GRIN3A: variants seen among roughly 807,000 people sequenced by gnomAD.
GRIN3A encodes glutamate ionotropic receptor NMDA type subunit 3A.
GRIN3A carries 47 observed loss-of-function variants against 92.4 expected under a neutral mutation model. The ratio of observed to expected loss-of-function variants is 0.51; its 90% CI spans 0.40 to 0.65. GRIN3A has a LOEUF of 0.65. Among genes scored for constraint, GRIN3A ranks in the 30% least tolerant of loss-of-function variants. The pLI is 0.00. For synonymous variants in GRIN3A, 527 were observed against 540.6 expected (o/e 0.97, Z 0.35); for missense variants, 1,324 against 1,393.1 (o/e 0.95, Z 0.79).
At chr9:101,637,192 G>A (rs1172693404) in intron 3 of GRIN3A, among the ~76,000 whole-genome samples, 4 of 151,776 alleles carry the variant, frequency 2.6e-5, no homozygotes, top group Admixed American at 6.6e-5. Context: ...TCCTGGGTTC[G>A]CACCATTCTC....
At chr9:101,728,816 T>C (rs1830106633) in intron 1 of GRIN3A, among the ~76,000 whole-genome samples, 1 of 152,206 alleles carries the variant, frequency 6.6e-6, no homozygotes, top group Admixed American at 6.5e-5. Context: ...CATGAAGTTG[T>C]GTGCATCAAT....
chr9:101,575,462 A>G (rs7859863), intron 8 of GRIN3A, among the ~76,000 whole-genome samples: 23,551 of 152,198 alleles, frequency 0.15, 1,896 homozygotes, highest in Admixed American at 0.2. Context: ...AACAGGGGTG[A>G]CATGTATTGA....
At chr9:101,667,863 G>A (rs1406056342) in intron 3 of GRIN3A, among the ~76,000 whole-genome samples, 2 of 151,998 alleles carry the variant, frequency 1.3e-5, no homozygotes, top group African/African-American at 2.4e-5. Context: ...TAAGTAATCT[G>A]GGTGTCTTTT....
intron 3 of GRIN3A, among the ~76,000 whole-genome samples, chr9:101,631,899 T>G (rs1384705015): frequency 6.6e-6 from 1 of 152,194 alleles, no homozygotes; most frequent in East Asian, 1.9e-4. Context: ...TCCTTTCTGA[T>G]CCACTCAGAG....
At chr9:101,634,862 C>CAAAAGACACA (rs1414593300) in intron 3 of GRIN3A, among the ~76,000 whole-genome samples, 1 of 152,138 alleles carries the variant, frequency 6.6e-6, no homozygotes, top group Non-Finnish European at 1.5e-5. Context: ...CACACAAGGA[C>CAAAAGACACA]AAAAGACACA....
chr9:101,736,335 C>CCT (rs1830205405), intron 1 of GRIN3A, among the ~76,000 whole-genome samples: 1 of 152,178 alleles, frequency 6.6e-6, no homozygotes, highest in South Asian at 2.1e-4. Flanking sequence ...ATAAAAGTAA[C>CCT]ATATAAAAGG....
At chr9:101,661,479 G>A (rs935107779) in intron 3 of GRIN3A, among the ~76,000 whole-genome samples, 1 of 151,696 alleles carries the variant, frequency 6.6e-6, no homozygotes, top group African/African-American at 2.4e-5. Flanking sequence ...TGAAAATGTA[G>A]TATGTGGTTT....
intron 6 of GRIN3A, among the ~76,000 whole-genome samples, chr9:101,587,796 T>A (rs1341812597): frequency 6.6e-6 from 1 of 152,190 alleles, no homozygotes; most frequent in Non-Finnish European, 1.5e-5. Flanking sequence ...ATGATTTTAA[T>A]GAGAGGTAAG....
At chr9:101,598,279 C>T (rs1186814226) in intron 6 of GRIN3A, among the ~76,000 whole-genome samples, 1 of 152,172 alleles carries the variant, frequency 6.6e-6, no homozygotes, top group Non-Finnish European at 1.5e-5. Context: ...GAGCTCATAA[C>T]ATTCCCAGTG....
At chr9:101,697,001 A>G (rs1464566541) in intron 1 of GRIN3A, among the ~76,000 whole-genome samples, 1 of 152,172 alleles carries the variant, frequency 6.6e-6, no homozygotes, top group African/African-American at 2.4e-5. Context: ...CCTTTTATAT[A>G]TATTGGTTTA....
chr9:101,573,281 C>G lies in GRIN3A; in HGVS notation c.3241G>C (p.Glu1081Gln). The change falls in exon 9 of 9, where the codon GAG becomes CAG. Residue 1081 changes from glutamate to glutamine, a missense_variant. Coordinates refer to ENST00000361820, the MANE Select transcript of GRIN3A (RefSeq NM_133445.3). ...SRNSVMQELSELEKQIQVIRQ... is the reference protein window; with the variant it reads ...SRNSVMQELSQLEKQIQVIRQ... The stretch of plus-strand genomic sequence containing the variant: ...ATCACCTGAATCTGCTTCTCGAGCT[C>G]TGAGAGTTCCTGCATCACTGAGTTC... 1 of 1,614,032 alleles carries G rather than the reference C, an allele frequency of 6.2e-7. No individual in the cohort carries two copies.
chr9:101,650,855 T>C (rs1829006009), intron 3 of GRIN3A, among the ~76,000 whole-genome samples: 4 of 152,004 alleles, frequency 2.6e-5, no homozygotes, highest in Admixed American at 2.6e-4. Flanking sequence ...GGTTGGTTCC[T>C]GGGTAAACTG....
chr9:101,684,727 GT>G (rs1018250061), intron 2 of GRIN3A, among the ~76,000 whole-genome samples: 15 of 152,212 alleles, frequency 9.9e-5, no homozygotes, highest in South Asian at 2.1e-4. Flanking sequence ...CTTCTCTGTA[GT>G]TTCTAAACGT....
intron 6 of GRIN3A, among the ~76,000 whole-genome samples, chr9:101,586,528 G>C (rs1827952810): frequency 6.6e-6 from 1 of 152,064 alleles, no homozygotes; most frequent in African/African-American, 2.4e-5. Context: ...TAAAAGGAGA[G>C]GAAACAAGGC....
rs1829612296 is a variant in GRIN3A, at chr9:101,691,172, G to A, written c.700-3972C>T. On this transcript the variant is annotated intron_variant, in intron 1 of 8. Coordinates refer to ENST00000361820, the MANE Select transcript of GRIN3A (RefSeq NM_133445.3). ...GTATAAAACATTTACTAGTCAATAAGGAAATAGAAGCCTTTACTGAACACT... is the reference window on the plus strand; with the variant it reads ...GTATAAAACATTTACTAGTCAATAAAGAAATAGAAGCCTTTACTGAACACT... Among the ~76,000 whole-genome samples, 11 of 152,224 alleles carry A rather than the reference G, an allele frequency of 7.2e-5. No homozygotes were observed. The South Asian group carries it at 2.3e-3, about 32-fold the overall frequency.
At chr9:101,594,796 CTCCT>C (rs1828093045) in intron 6 of GRIN3A, 1 of 1,613,132 alleles carries the variant, frequency 6.2e-7, no homozygotes, top group South Asian at 1.1e-5. Context: ...GGGACATGAA[CTCCT>C]CCACGCTCAG....
intron 4 of GRIN3A, among the ~76,000 whole-genome samples, chr9:101,627,687 G>A (rs1828652832): frequency 6.6e-6 from 1 of 152,164 alleles, no homozygotes; most frequent in Non-Finnish European, 1.5e-5. Flanking sequence ...TGAATTACAG[G>A]CTCTGATAAT....
intron 1 of GRIN3A, among the ~76,000 whole-genome samples, chr9:101,711,361 G>A (rs1463976195): frequency 1.3e-5 from 2 of 152,140 alleles, no homozygotes; most frequent in African/African-American, 4.8e-5. Flanking sequence ...AGGGTGGGAC[G>A]GTGGGAGATT....
chr9:101,717,981 A>G (rs755150305), intron 1 of GRIN3A, among the ~76,000 whole-genome samples: 2 of 152,222 alleles, frequency 1.3e-5, no homozygotes, highest in Non-Finnish European at 2.9e-5. Flanking sequence ...CTAGGTGGTC[A>G]GGAGTTCTGT....
Sources: allele counts gnomAD v4.1 joint callset (sites outside exome capture counted in the v4.1 genomes callset), GRCh38; gene constraint gnomAD v4.1.1; transcripts MANE v1.5; gene names NCBI Gene and HGNC (gene_info 2026-07-23, HGNC 2026-07-21).